Variants in SMCO3 observed in about 807,000 individuals in gnomAD.
SMCO3 encodes single-pass membrane protein with coiled-coil domains 3, also known as single-pass membrane and coiled-coil domain-containing protein 3.
Under a neutral mutation model 12.0 loss-of-function variants are expected in SMCO3, and 6 were observed. That is an observed-to-expected ratio of 0.50 (90% CI 0.27 to 0.99). The LOEUF (loss-of-function observed/expected upper bound fraction) is 0.99, where lower values mean the gene tolerates loss of function less well. Among genes scored for constraint, SMCO3 ranks in the 50% least tolerant of loss-of-function variants. The pLI, the probability that SMCO3 is intolerant of heterozygous loss-of-function variation, is 0.11. For missense variants in SMCO3, 279 were observed against 265.0 expected (o/e 1.05, Z -0.37); for synonymous variants, 96 against 96.4 (o/e 1.00, Z 0.02).
chr12:14,808,624 A>G (rs1950091785), intron 1 of SMCO3, among the ~76,000 whole-genome samples: 1 of 152,220 alleles, frequency 6.6e-6, no homozygotes. Flanking sequence ...GTATGGATAT[A>G]AGTTGGCAAC....
At chr12:14,807,204 A>G (rs1381861110) in intron 1 of SMCO3, among the ~76,000 whole-genome samples, 1 of 152,266 alleles carries the variant, frequency 6.6e-6, no homozygotes, top group African/African-American at 2.4e-5. Flanking sequence ...GCAACAGAAT[A>G]CAACCCTTTG....
intron 1 of SMCO3, among the ~76,000 whole-genome samples, chr12:14,812,414 G>T (rs1164191873): frequency 3.9e-5 from 6 of 152,036 alleles, no homozygotes; most frequent in Non-Finnish European, 8.8e-5. Flanking sequence ...ACTGCACGCC[G>T]GCCTGGGTGA....
At chr12:14,807,062 C>T (rs1950063250) in intron 1 of SMCO3, among the ~76,000 whole-genome samples, 1 of 152,208 alleles carries the variant, frequency 6.6e-6, no homozygotes, top group East Asian at 1.9e-4. Context: ...CAACTCCTGA[C>T]CTCAGGTAAT....
Position 14,806,029 on chromosome 12 carries a change from T to C in SMCO3, c.652A>G (p.Asn218Asp). The C allele has an allele frequency of 1.2e-6, 2 of 1,613,526 alleles. No individual in the cohort carries two copies. The highest frequency in any genetic ancestry group is 1.1e-5 in the South Asian group (1 of 91,002). ...KYNHAITEVI[N>D]TVKHQMK ...CATTTCATTTGGTGTTTCACTGTAT[T>C]GATGACCTCAGTAATGGCATGATTA... The change falls in exon 2 of 2, where the codon AAT (asparagine) becomes GAT (aspartate). Residue 218 changes from asparagine to aspartate, a missense_variant. Asn to Asp is a conservative substitution (Grantham distance 23, BLOSUM62 1). Coordinates refer to ENST00000316048, the MANE Select transcript of SMCO3 (RefSeq NM_001013698.2).
Position 14,806,593 on chromosome 12 carries a change from A to G in SMCO3, c.88T>C (p.Ser30Pro). The G allele has an allele frequency of 6.2e-7, 1 of 1,614,194 alleles. No individual in the cohort carries two copies. The change falls in exon 2 of 2, where the codon TCT (serine) becomes CCT (proline). Residue 30 changes from serine (S) to proline (P), a missense_variant. By Grantham distance (74) the Ser-to-Pro change is moderately conservative. Transcript: ENST00000316048. ...TTATTGGTGACATCGAAGCTGTCAG[A>G]TAAGCAATCAAGAAGCTGCTGGTGA... ...RLHQQLLDCLSDSFDVTNKLT... is the reference protein window; with the variant it reads ...RLHQQLLDCLPDSFDVTNKLT...
rs938582808 is a variant in SMCO3 at position 14,806,120 on chromosome 12, C to T, written c.561G>A (p.Gln187=). Residue 187 remains glutamine (Q), a synonymous_variant, in exon 2 of 2, where the codon CAG becomes CAA. Transcript: ENST00000316048. The part of the protein sequence containing the change: ...RAILGAVEKT[Q]LQAAIKSYEK... ...CATAACTTTTGATGGCTGCTTGAAG[C>T]TGTGTTTTTTCCACTGCTCCCAGGA... 11 of 1,614,000 alleles carry T rather than the reference C, an allele frequency of 6.8e-6. No homozygotes were observed. The highest frequency in any genetic ancestry group is 6.7e-5 in the African/African-American group (5 of 74,904).
intron 1 of SMCO3, among the ~76,000 whole-genome samples, chr12:14,811,890 C>T (rs1005156260): frequency 1.3e-5 from 2 of 152,074 alleles, no homozygotes; most frequent in African/African-American, 2.4e-5. Context: ...ATGATTTATA[C>T]TTTGATAGAT....
In SMCO3 at chr12:14,806,430, T is replaced by C; in HGVS notation, c.251A>G (p.Asp84Gly). The C allele has an allele frequency of 6.2e-7, 1 of 1,614,250 alleles. No homozygotes were observed. The highest frequency in any genetic ancestry group is 8.5e-7 in the Non-Finnish European group (1 of 1,180,050). ...MKIQKELQKV[D>G]EALKDKLEPT... ...CTCTAGCTTATCTTTTAGTGCTTCA[T>C]CAACCTTCTGCAATTCCTTTTGGAT... The change falls in exon 2 of 2, where the codon GAT (aspartate) becomes GGT (glycine). Residue 84 changes from aspartate (D) to glycine (G), a missense_variant. Coordinates refer to ENST00000316048, the MANE Select transcript of SMCO3 (RefSeq NM_001013698.2).
At chr12:14,808,457 T>C (rs1483873851) in intron 1 of SMCO3, among the ~76,000 whole-genome samples, 2 of 152,182 alleles carry the variant, frequency 1.3e-5, no homozygotes, top group Non-Finnish European at 2.9e-5. Flanking sequence ...GCACAGCCTC[T>C]TTTTGAGTAA....
chr12:14,811,955 T>C (rs1950146501), intron 1 of SMCO3, among the ~76,000 whole-genome samples: 1 of 152,366 alleles, frequency 6.6e-6, no homozygotes, highest in East Asian at 1.9e-4. Flanking sequence ...TTTTTAAATA[T>C]ATACTTATTA....
intron 1 of SMCO3, among the ~76,000 whole-genome samples, chr12:14,811,234 T>C (rs1248106133): frequency 6.6e-6 from 1 of 152,234 alleles, no homozygotes; most frequent in Non-Finnish European, 1.5e-5. Flanking sequence ...TTTCTTGTAG[T>C]TATCCATGAA....
Position 14,805,646 on chromosome 12 carries a change from C to T in SMCO3, c.*357G>A, listed in dbSNP as rs972458191. 4.7e-4 allele frequency: 84 copies of T among 178,354 alleles called. No individual in the cohort carries two copies. Among genetic ancestry groups the T allele is most frequent in the Non-Finnish European group, 4.9e-4 (42 of 85,576 alleles). The allele number at this position is 178,354 out of a possible 1,614,324, so 11.0% of individuals were successfully genotyped here. ...AAGCTGGTGGTAGAAATGAAAGTCT[C>T]TGCATTCAATGTGAAATTTAAGAAT... is the stretch of plus-strand genomic sequence containing the variant. On this transcript the variant is annotated 3_prime_UTR_variant, in exon 2 of 2. Transcript: ENST00000316048.
At chr12:14,807,670 A>T (rs1241027901) in intron 1 of SMCO3, among the ~76,000 whole-genome samples, 1 of 152,114 alleles carries the variant, frequency 6.6e-6, no homozygotes, top group Non-Finnish European at 1.5e-5. Context: ...TATATTCAAG[A>T]CTCTTTGGAT....
At chr12:14,806,781 T>C in intron 1 of SMCO3, 85 bp from the exon 2 acceptor site, 1 of 1,226,420 alleles carries the variant, frequency 8.2e-7, no homozygotes, top group Non-Finnish European at 1.1e-6. Flanking sequence ...ATCTTTTTCT[T>C]CATGCATAGC....
Position 14,805,827 on chromosome 12 carries a change from T to C in SMCO3, c.*176A>G, listed in dbSNP as rs1592228134. The C allele has an allele frequency of 1.4e-6, 1 of 701,810 alleles. No individual in the cohort carries two copies. Among genetic ancestry groups the C allele is most frequent in the East Asian group, 2.8e-5 (1 of 36,318 alleles). 43.5% of individuals were successfully genotyped at this position (701,810 alleles called of 1,614,324 possible). A position where few individuals can be genotyped will look rare whatever the true frequency, so the allele number is the denominator to read the frequency against. On this transcript the variant is annotated 3_prime_UTR_variant, in exon 2 of 2. Transcript: ENST00000316048. ...CTAGCATCAGCTGATCCAGGCATTG[T>C]TGACTCAAAACTCATCTAGTCATCT...
At chr12:14,810,470 C>A (rs1950119626) in intron 1 of SMCO3, among the ~76,000 whole-genome samples, 2 of 152,206 alleles carry the variant, frequency 1.3e-5, no homozygotes, top group Admixed American at 1.3e-4. Flanking sequence ...CAGCACCACT[C>A]TGCAAAGCAT....
chr12:14,814,050 G>A (rs1352465698), intron 1 of SMCO3, 76 bp downstream of exon 1: 1 of 152,060 alleles, frequency 6.6e-6, no homozygotes, highest in Non-Finnish European at 1.5e-5. Flanking sequence ...AAGACTGACG[G>A]GCTAATTCAA....
At chr12:14,807,448 A>T (rs955320466) in intron 1 of SMCO3, among the ~76,000 whole-genome samples, 1 of 152,324 alleles carries the variant, frequency 6.6e-6, no homozygotes, top group Middle Eastern at 3.4e-3. Flanking sequence ...TTTGGAGTTA[A>T]ACTCTAGTCA....
chr12:14,806,377 T>C lies in SMCO3; in HGVS notation c.304A>G (p.Ile102Val). 6.2e-7 allele frequency: 1 copy of C among 1,614,256 alleles called. No homozygotes were observed. Among genetic ancestry groups the C allele is most frequent in the Non-Finnish European group, 8.5e-7 (1 of 1,180,048 alleles). ...EPTLYRKLQD[I>V]KEKETDKIAI... ...ATTTTGTCTGTTTCCTTTTCCTTAATATCCTGAAGTTTTCTATAGAGGGTT... is the reference window on the plus strand; with the variant it reads ...ATTTTGTCTGTTTCCTTTTCCTTAACATCCTGAAGTTTTCTATAGAGGGTT... Residue 102 changes from isoleucine to valine, a missense_variant, in exon 2 of 2, where the codon ATT (isoleucine) becomes GTT (valine). Physicochemically the swap from Ile to Val is conservative, Grantham distance 29. Coordinates refer to ENST00000316048, the MANE Select transcript of SMCO3 (RefSeq NM_001013698.2).
Sources: gnomAD v4.1 joint callset for allele counts (sites outside exome capture counted in the v4.1 genomes callset) on GRCh38, gnomAD v4.1.1 for gene constraint, MANE v1.5 for transcripts, NCBI Gene and HGNC (gene_info 2026-07-23, HGNC 2026-07-21) for gene names.